Variants in RPH3AL observed in about 807,000 individuals in gnomAD.
The protein encoded by RPH3AL is rab effector Noc2.
Under a neutral mutation model 43.1 loss-of-function variants are expected in RPH3AL, and 38 were observed. The ratio of observed to expected loss-of-function variants is 0.88; its 90% confidence interval spans 0.68 to 1.15. The LOEUF (loss-of-function observed/expected upper bound fraction) is 1.15. RPH3AL is among the 50% of genes most tolerant of loss of function. The pLI is 0.00. For synonymous variants in RPH3AL, 189 were observed against 176.3 expected (o/e 1.07, Z -0.57); for missense variants, 462 against 423.2 (o/e 1.09, Z -0.81).
chr17:315,653 G>GA (rs1598098244), intron 5 of RPH3AL, among the ~76,000 whole-genome samples: 14 of 145,894 alleles, frequency 9.6e-5, no homozygotes, highest in African/African-American at 2.2e-4. Flanking sequence ...TAGTCCCTGT[G>GA]CTCCACCTCC....
At chr17:247,970 G>A (rs2041806429) in intron 6 of RPH3AL, among the ~76,000 whole-genome samples, 1 of 152,006 alleles carries the variant, frequency 6.6e-6, no homozygotes, top group South Asian at 2.1e-4. Context: ...GGGCTGCACG[G>A]GACAGACTCT....
chr17:316,212 C>A (rs1293680859), intron 5 of RPH3AL, among the ~76,000 whole-genome samples: 1 of 142,936 alleles, frequency 7.0e-6, no homozygotes, highest in African/African-American at 2.5e-5. Flanking sequence ...TGCCCCACCT[C>A]CATTGACCTG....
At chr17:332,954 A>AAC in intron 2 of RPH3AL, 1 of 1,187,840 alleles carries the variant, frequency 8.4e-7, no homozygotes, top group Admixed American at 2.4e-5. Context: ...ACGGAACAGG[A>AAC]GTTGCCGGTG....
At chr17:281,901 C>A (rs377751396) in intron 5 of RPH3AL, 47 bp from the exon 6 acceptor site, 1 of 1,466,996 alleles carries the variant, frequency 6.8e-7, no homozygotes, top group African/African-American at 1.4e-5. Context: ...GCCGCTTCCT[C>A]CTCCGCCGAG....
intron 6 of RPH3AL, among the ~76,000 whole-genome samples, chr17:250,297 T>C (rs9797227): frequency 0.14 from 2,958 of 21,596 alleles, 564 homozygotes; most frequent in Non-Finnish European, 0.16. Flanking sequence ...CAAGCTCCGT[T>C]GCTGCGGGAC....
intron 6 of RPH3AL, among the ~76,000 whole-genome samples, chr17:272,965 G>GGAGAGACCCCAGCGAGGGCGAC (rs2042521606): frequency 3.8e-5 from 2 of 53,272 alleles, no homozygotes; most frequent in African/African-American, 1.2e-4. Flanking sequence ...GCTACGTCAG[G>GGAGAGACCCCAGCGAGGGCGAC]GTGAGACCCC....
chr17:323,506 G>A lies in RPH3AL; in HGVS notation c.78-2091C>T, dbSNP rs11150873. 0.33 allele frequency among the ~76,000 whole-genome samples: 50,482 copies of A among 151,996 alleles called. 8,660 individuals carry two copies. The highest frequency in any genetic ancestry group is 0.45 in the East Asian group (2,333 of 5,156). On this transcript the variant is annotated intron_variant, in intron 3 of 9. Coordinates refer to ENST00000331302, the MANE Select transcript of RPH3AL (RefSeq NM_006987.4). This position sits in a 1 kb window ranked among gnomAD's most constrained non-coding sequence, Gnocchi z 4.4. ...CTGGTTTGTTCCATCTGAGCATTTC[G>A]GAGGCTCCAGGGGTCAGTGATGGGC...
At position 215,871 on chromosome 17, in the gene RPH3AL, G is replaced by A. The variant is rs1014172974; in HGVS notation, c.728-69C>T. ...CGGGGTGATCTCAGTCCAGTTCCTC[G>A]TTTGGAACTCTAGATCTCTATGGGA... On this transcript the variant is annotated intron_variant, in intron 8 of 9. Coordinates refer to ENST00000331302, the MANE Select transcript of RPH3AL (RefSeq NM_006987.4). The surrounding 1 kb of genome is among the most constrained non-coding windows in gnomAD (Gnocchi z 4.1). The A allele has an allele frequency of 2.0e-5, 25 of 1,266,392 alleles. No individual in the cohort carries two copies. The highest frequency in any genetic ancestry group is 1.6e-4 in the Admixed American group (4 of 25,246). 78.4% of individuals were successfully genotyped at this position (1,266,392 alleles called of 1,614,324 possible). A position where few individuals can be genotyped will look rare whatever the true frequency, so the allele number is the denominator to read the frequency against.
intron 7 of RPH3AL, among the ~76,000 whole-genome samples, chr17:236,484 CACAGA>C (rs932008211): frequency 1.3e-5 from 2 of 151,216 alleles, no homozygotes; most frequent in African/African-American, 4.9e-5. Flanking sequence ...GACTATCGGA[CACAGA>C]ACAGAAATAA....
At chr17:214,432 C>T (rs1384266441) in intron 9 of RPH3AL, among the ~76,000 whole-genome samples, 1 of 152,142 alleles carries the variant, frequency 6.6e-6, no homozygotes, top group East Asian at 1.9e-4. Context: ...AAGGGTGAAC[C>T]ATATTGAACT....
intron 5 of RPH3AL, among the ~76,000 whole-genome samples, chr17:314,920 GT>G (rs2043873712): frequency 7.5e-6 from 1 of 134,070 alleles, no homozygotes; most frequent in Admixed American, 7.7e-5. Flanking sequence ...AGTAGTCCCT[GT>G]GCCCCACCTC....
intron 7 of RPH3AL, among the ~76,000 whole-genome samples, chr17:227,657 G>C (rs1291054237): frequency 6.6e-6 from 1 of 152,168 alleles, no homozygotes; most frequent in African/African-American, 2.4e-5. Flanking sequence ...CCTCTCCCTG[G>C]TCGGGGTGGG....
intron 2 of RPH3AL, chr17:332,418 G>A (rs575938015): frequency 5.3e-5 from 9 of 168,692 alleles, no homozygotes; most frequent in Admixed American, 2.2e-4. Flanking sequence ...CAGTTCTATC[G>A]ACATGAAATT....
At chr17:268,788 T>C (rs1023465184) in intron 6 of RPH3AL, among the ~76,000 whole-genome samples, 1 of 152,110 alleles carries the variant, frequency 6.6e-6, no homozygotes, top group Non-Finnish European at 1.5e-5. Context: ...GGTCTCAAAC[T>C]CTGGGGCTCA....
At chr17:318,566 G>A (rs2044367870) in intron 5 of RPH3AL, among the ~76,000 whole-genome samples, 2 of 151,744 alleles carry the variant, frequency 1.3e-5, no homozygotes, top group South Asian at 2.1e-4. Flanking sequence ...AGGAGCAGGA[G>A]TAAGAATCTA....
At position 274,242 on chromosome 17, in the gene RPH3AL, C is replaced by A. The variant is rs2042601968; in HGVS notation, c.438+7526G>T. 6.6e-6 allele frequency among the ~76,000 whole-genome samples: 1 copy of A among 152,248 alleles called. No homozygotes were observed. The highest frequency in any genetic ancestry group is 2.1e-4 in the South Asian group (1 of 4,836). The stretch of plus-strand genomic sequence containing the variant: ...GCACCGCGAAACCCCAGCCCGGGGC[C>A]TCTGACAGCTCAGCACCAGGCTCCA... On this transcript the variant is annotated intron_variant, in intron 6 of 9. Transcript: ENST00000331302. The surrounding 1 kb of genome is among the most constrained non-coding windows in gnomAD (Gnocchi z 4.7).
At chr17:267,453 TC>T (rs2042350065) in intron 6 of RPH3AL, among the ~76,000 whole-genome samples, 1 of 152,208 alleles carries the variant, frequency 6.6e-6, no homozygotes, top group Non-Finnish European at 1.5e-5. Context: ...CCAGGTCTTT[TC>T]AGACGAGCGT....
rs2040716599 is a variant in RPH3AL at position 213,385 on chromosome 17, G to A, written c.*467C>T. ...GAAGGGAGAGGGAGAGGGTGGGTGA[G>A]TCTCCCCCTCACTGCTCTGGCTCTG... On this transcript the variant is annotated 3_prime_UTR_variant, in exon 10 of 10. Transcript: ENST00000331302. 1 of 188,650 alleles carries A rather than the reference G, an allele frequency of 5.3e-6. No individual in the cohort carries two copies. Among genetic ancestry groups the A allele is most frequent in the Non-Finnish European group, 1.1e-5 (1 of 89,414 alleles). The allele number at this position is 188,650 out of a possible 1,614,324, so 11.7% of individuals were successfully genotyped here.
At chr17:315,924 C>G (rs2044123004) in intron 5 of RPH3AL, among the ~76,000 whole-genome samples, 1 of 147,496 alleles carries the variant, frequency 6.8e-6, no homozygotes, top group Admixed American at 6.7e-5. Flanking sequence ...TGTGTAGTCC[C>G]TGTGCCCCCA....
Sources: allele counts gnomAD v4.1 joint callset (sites outside exome capture counted in the v4.1 genomes callset), GRCh38; gene constraint gnomAD v4.1.1; non-coding constraint Gnocchi (gnomAD v3.1); transcripts MANE v1.5; gene names NCBI Gene and HGNC (gene_info 2026-07-23, HGNC 2026-07-21).